Variants in USP37 observed in about 807,000 individuals in gnomAD.
USP37 encodes the protein ubiquitin carboxyl-terminal hydrolase 37.
In USP37, 27 loss-of-function variants were observed where a neutral mutation model predicts 124.0. That is an observed-to-expected ratio of 0.22 (90% CI 0.16 to 0.30). USP37 has a LOEUF of 0.30. Among genes scored for constraint, USP37 ranks in the 10% least tolerant of loss-of-function variants. The pLI is 1.00. For synonymous variants in USP37, 365 were observed against 388.0 expected, an observed-to-expected ratio of 0.94 and a Z score of 0.70; for missense variants, 889 against 1,140.4, an observed-to-expected ratio of 0.78 and a Z score of 3.17.
In USP37 at chr2:218,454,684, T is replaced by C. The variant is rs73990483; in HGVS notation, c.*246A>G. ...GATATATATTTACAACATGTATTCC[T>C]AAGACAAAAGAAGTGCCACTCATAG... On this transcript the variant is annotated 3_prime_UTR_variant, in exon 26 of 26. Transcript: ENST00000258399. 8,348 of 586,036 alleles carry C rather than the reference T, an allele frequency of 0.014. 507 individuals carry two copies. The highest frequency in any genetic ancestry group is 0.14 in the African/African-American group (7,270 of 53,466). The allele number at this position is 586,036 out of a possible 1,614,324, so 36.3% of individuals were successfully genotyped here.
At chr2:218,544,300 G>T (rs1429284274) in intron 8 of USP37, among the ~76,000 whole-genome samples, 3 of 147,614 alleles carry the variant, frequency 2.0e-5, no homozygotes, top group Non-Finnish European at 4.4e-5. Flanking sequence ...CTTCAACCTT[G>T]CTTGAACCTG....
intron 20 of USP37, among the ~76,000 whole-genome samples, chr2:218,466,645 T>C (rs1368922192): frequency 1.3e-5 from 2 of 152,244 alleles, no homozygotes; most frequent in Non-Finnish European, 2.9e-5. Context: ...ATAGTGTCAC[T>C]TGACCAAGTA....
chr2:218,466,804 G>C (rs979080472), intron 20 of USP37, among the ~76,000 whole-genome samples: 2 of 150,994 alleles, frequency 1.3e-5, no homozygotes, highest in Non-Finnish European at 3.0e-5. Context: ...GCACTATCTC[G>C]GCTCACTGCA....
chr2:218,474,286 C>T (rs1690846879), intron 20 of USP37, among the ~76,000 whole-genome samples: 1 of 152,132 alleles, frequency 6.6e-6, no homozygotes, highest in South Asian at 2.1e-4. Flanking sequence ...ATATTTGCTT[C>T]TCATTTTTCA....
intron 11 of USP37, among the ~76,000 whole-genome samples, chr2:218,506,514 C>T (rs1415383716): frequency 2.0e-5 from 3 of 151,498 alleles, no homozygotes; most frequent in Non-Finnish European, 4.4e-5. Context: ...TGGTCTCGAA[C>T]TCCTGACCTC....
intron 17 of USP37, 56 bp from the exon 18 acceptor site, chr2:218,479,771 A>C: frequency 9.9e-7 from 1 of 1,008,468 alleles, no homozygotes; most frequent in Non-Finnish European, 1.3e-6. Context: ...AAAGATATAT[A>C]TTTAAATTAT....
chr2:218,498,092 G>T lies in USP37; in HGVS notation c.1091C>A (p.Ser364Ter). ...AILQSLFSLQ[S>*]FANDLLKQGI... ...TTGTTTAAGCAAGTCATTTGCAAATGACTGGAGTGAAAATAGAGATTGTAG... is the reference window on the plus strand; with the variant it reads ...TTGTTTAAGCAAGTCATTTGCAAATTACTGGAGTGAAAATAGAGATTGTAG... Residue 364 changes from serine (S) to a stop codon, truncating the protein, a stop_gained, in exon 12 of 26, where the codon TCA (serine) becomes TAA (stop). Coordinates refer to ENST00000258399, the MANE Select transcript of USP37 (RefSeq NM_020935.3). LOFTEE classifies it high-confidence loss of function. 1 of 1,609,160 alleles carries T rather than the reference G, an allele frequency of 6.2e-7. No homozygotes were observed. The highest frequency in any genetic ancestry group is 1.1e-5 in the South Asian group (1 of 89,614).
intron 14 of USP37, 38 bp downstream of exon 14, chr2:218,495,722 G>GA (rs757901934): frequency 6.4e-7 from 1 of 1,555,356 alleles, no homozygotes; most frequent in Non-Finnish European, 8.7e-7. Context: ...TTGCCATAAA[G>GA]AAGTAAAAAG....
At chr2:218,557,933 A>AAAAAAAAAAAAAAAAG (rs1693109514) in intron 4 of USP37, among the ~76,000 whole-genome samples, 1 of 145,732 alleles carries the variant, frequency 6.9e-6, no homozygotes, top group South Asian at 2.2e-4. Context: ...TCTGTCTCAA[A>AAAAAAAAAAAAAAAAG]AAAAAAAAAA....
intron 8 of USP37, among the ~76,000 whole-genome samples, chr2:218,545,304 C>T (rs1004398322): frequency 2.6e-5 from 4 of 152,146 alleles, no homozygotes; most frequent in Non-Finnish European, 5.9e-5. Context: ...CAATTTCCAG[C>T]CTAAGGAAAC....
In USP37 at chr2:218,499,687, T is replaced by G. The variant is rs150208314; in HGVS notation, c.1026-1530A>C. Reference sequence around the variant, plus strand: ...CAGGATCACATGCTGTTTTCATGTATGTCTCTTTAGTTTTCTTTAATCTGG... The same window carrying G: ...CAGGATCACATGCTGTTTTCATGTAGGTCTCTTTAGTTTTCTTTAATCTGG... On this transcript the variant is annotated intron_variant, in intron 11 of 25. Coordinates refer to ENST00000258399, the MANE Select transcript of USP37 (RefSeq NM_020935.3). Among the ~76,000 whole-genome samples, 151 of 152,122 alleles carry G rather than the reference T, an allele frequency of 9.9e-4. 1 individual carries two copies. The highest frequency in any genetic ancestry group is 3.5e-3 in the African/African-American group (143 of 41,344).
intron 22 of USP37, among the ~76,000 whole-genome samples, chr2:218,462,719 T>C (rs1015545599): frequency 1.3e-5 from 2 of 152,146 alleles, no homozygotes; most frequent in Admixed American, 1.3e-4. Context: ...AAAAAACATA[T>C]TGTTAGAGAT....
intron 22 of USP37, among the ~76,000 whole-genome samples, chr2:218,460,366 C>T (rs894821795): frequency 7.4e-4 from 112 of 152,072 alleles, no homozygotes; most frequent in African/African-American, 2.1e-3. Flanking sequence ...CGTAATATGA[C>T]GGTCCAACAC....
intron 1 of USP37, among the ~76,000 whole-genome samples, chr2:218,567,409 A>T (rs1006182199): frequency 1.3e-5 from 2 of 152,178 alleles, no homozygotes; most frequent in Non-Finnish European, 2.9e-5. Context: ...GGCTTCAATT[A>T]CTATCAATAT....
intron 8 of USP37, among the ~76,000 whole-genome samples, chr2:218,543,818 A>C (rs191639484): frequency 8.3e-4 from 127 of 152,212 alleles, no homozygotes; most frequent in Non-Finnish European, 1.4e-3. Context: ...AAAAACAAAA[A>C]ACAAAAAACA....
intron 5 of USP37, among the ~76,000 whole-genome samples, 178 bp downstream of exon 5, chr2:218,553,375 T>C (rs956077024): frequency 1.3e-5 from 2 of 152,238 alleles, no homozygotes; most frequent in Non-Finnish European, 2.9e-5. Context: ...AAGAATGATG[T>C]GTTACACAGA....
chr2:218,520,395 G>C (rs1559203638), intron 10 of USP37, among the ~76,000 whole-genome samples: 1 of 145,160 alleles, frequency 6.9e-6, no homozygotes, highest in African/African-American at 2.5e-5. Flanking sequence ...TGTTGCCCAG[G>C]CTGGAGTGCA....
intron 8 of USP37, among the ~76,000 whole-genome samples, chr2:218,543,631 T>C (rs529551974): frequency 6.6e-6 from 1 of 150,572 alleles, no homozygotes; most frequent in East Asian, 2.0e-4. Flanking sequence ...GCTAACACCG[T>C]GAAACCCTGT....
At chr2:218,504,844 C>A (rs1319914705) in intron 11 of USP37, among the ~76,000 whole-genome samples, 5 of 152,086 alleles carry the variant, frequency 3.3e-5, no homozygotes, top group Non-Finnish European at 7.4e-5. Context: ...AACTTGGCCT[C>A]CTGAAGTGTT....
Sources: gnomAD v4.1 joint callset for allele counts (sites outside exome capture counted in the v4.1 genomes callset) on GRCh38, gnomAD v4.1.1 for gene constraint, MANE v1.5 for transcripts, NCBI Gene and HGNC (gene_info 2026-07-23, HGNC 2026-07-21) for gene names.